The following RANBP2 variants were observed in gnomAD, a reference collection of about 807,000 sequenced individuals.
The protein encoded by RANBP2 is E3 SUMO-protein ligase RanBP2.
A neutral mutation model predicts 303.6 loss-of-function variants in RANBP2; 57 were observed. That is an observed-to-expected ratio of 0.19 (90% CI 0.15 to 0.23). The LOEUF (loss-of-function observed/expected upper bound fraction) is 0.23, where lower values mean the gene tolerates loss of function less well. Among genes scored for constraint, RANBP2 ranks in the 10% least tolerant of loss-of-function variants. RANBP2 has a pLI of 1.00. For synonymous variants in RANBP2, 1,167 were observed against 1,301.5 expected, an observed-to-expected ratio of 0.90 and a Z score of 2.23; for missense variants, 3,138 against 3,780.8, an observed-to-expected ratio of 0.83 and a Z score of 4.46.
the RANBP2 span, among the ~76,000 whole-genome samples, chr2:109,029,395 G>C: frequency 2.0e-3 from 305 of 152,304 alleles, 2 homozygotes; most frequent in African/African-American, 6.6e-3. Context: ...AACTTCATTA[G>C]GGTAAGGAAG....
chr2:108,749,315 A>G (rs1393809199), intron 9 of RANBP2, among the ~76,000 whole-genome samples, 186 bp downstream of exon 9: 6 of 151,998 alleles, frequency 3.9e-5, no homozygotes, highest in South Asian at 2.1e-4. Context: ...TGTTGTTTTT[A>G]AGACCAAGTT....
chr2:109,312,798 C>T, the RANBP2 span, among the ~76,000 whole-genome samples: 11 of 152,316 alleles, frequency 7.2e-5, no homozygotes, highest in Admixed American at 1.3e-4. Context: ...CTGTTTCCAC[C>T]TTTTGGCTCT....
At chr2:109,670,504 G>A in the RANBP2 span, among the ~76,000 whole-genome samples, 1 of 152,118 alleles carries the variant, frequency 6.6e-6, no homozygotes, top group Admixed American at 6.5e-5. Flanking sequence ...GGGGCTATGA[G>A]GATTAAGGGC....
chr2:109,493,152 A>ACAT, the RANBP2 span, among the ~76,000 whole-genome samples: 215 of 151,346 alleles, frequency 1.4e-3, 2 homozygotes, highest in African/African-American at 5.0e-3. Context: ...CATCATACAA[A>ACAT]ACACATACAC....
the RANBP2 span, among the ~76,000 whole-genome samples, chr2:108,823,960 G>T: frequency 6.6e-6 from 1 of 151,564 alleles, no homozygotes; most frequent in African/African-American, 2.4e-5. Flanking sequence ...CTGGGCCACA[G>T]AGTGAGACTG....
the RANBP2 span, among the ~76,000 whole-genome samples, chr2:109,366,603 C>CT: frequency 8.5e-5 from 13 of 152,312 alleles, no homozygotes; most frequent in African/African-American, 3.1e-4. Context: ...AATCCCAGCA[C>CT]TTTAGGAGGC....
chr2:109,395,098 A>G, the RANBP2 span, among the ~76,000 whole-genome samples: 4 of 152,202 alleles, frequency 2.6e-5, no homozygotes, highest in African/African-American at 9.6e-5. Flanking sequence ...CCCCAGATGG[A>G]GAGTTTTGCC....
the RANBP2 span, among the ~76,000 whole-genome samples, chr2:109,657,463 G>A: frequency 6.6e-6 from 1 of 151,952 alleles, no homozygotes; most frequent in Non-Finnish European, 1.5e-5. Flanking sequence ...ACAAACAAAA[G>A]CGAAAACATG....
the RANBP2 span, among the ~76,000 whole-genome samples, chr2:109,401,251 T>C: frequency 6.6e-6 from 1 of 152,242 alleles, no homozygotes; most frequent in African/African-American, 2.4e-5. Flanking sequence ...CTGTTGGCGA[T>C]GTGAACAGTC....
chr2:108,722,920 ATTCT>A (rs1042551234), intron 1 of RANBP2, among the ~76,000 whole-genome samples: 6 of 152,052 alleles, frequency 3.9e-5, no homozygotes, highest in African/African-American at 1.4e-4. Context: ...AAAAAATATA[ATTCT>A]TTCTCTAGTT....
At chr2:109,578,844 G>A in the RANBP2 span, among the ~76,000 whole-genome samples, 1 of 152,050 alleles carries the variant, frequency 6.6e-6, no homozygotes, top group Admixed American at 6.6e-5. Flanking sequence ...CCTAAGCCAC[G>A]CTTACAGGGT....
the RANBP2 span, among the ~76,000 whole-genome samples, chr2:109,327,590 G>C: frequency 2.0e-5 from 3 of 152,130 alleles, no homozygotes; most frequent in African/African-American, 7.2e-5. Context: ...GCTTTTCTGA[G>C]TCCTCTTACT....
chr2:109,764,510 G>A, the RANBP2 span, among the ~76,000 whole-genome samples: 1 of 149,790 alleles, frequency 6.7e-6, no homozygotes. Flanking sequence ...TGTGGGAGAT[G>A]CAAGGATGAG....
chr2:109,673,882 T>TC, the RANBP2 span, among the ~76,000 whole-genome samples: 5 of 152,146 alleles, frequency 3.3e-5, no homozygotes, highest in South Asian at 2.1e-4. Context: ...TCAGGTTTTT[T>TC]CCCCCTTCAT....
At chr2:109,578,588 G>A in the RANBP2 span, among the ~76,000 whole-genome samples, 16 of 152,152 alleles carry the variant, frequency 1.1e-4, no homozygotes, top group African/African-American at 3.1e-4. Flanking sequence ...CCAACAGGGC[G>A]AAACCCCATC....
At chr2:108,826,744 T>G in the RANBP2 span, among the ~76,000 whole-genome samples, 3 of 152,192 alleles carry the variant, frequency 2.0e-5, no homozygotes, top group Non-Finnish European at 4.4e-5. Context: ...CATTTTCATA[T>G]GAATTTCAGG....
chr2:108,770,233 A>T (rs1168708494), intron 20 of RANBP2, among the ~76,000 whole-genome samples: 1 of 152,218 alleles, frequency 6.6e-6, no homozygotes, highest in Non-Finnish European at 1.5e-5. Flanking sequence ...GAGTAAACTG[A>T]GGCCAAGAGA....
chr2:109,053,138 A>G, the RANBP2 span, among the ~76,000 whole-genome samples: 2 of 152,142 alleles, frequency 1.3e-5, no homozygotes, highest in African/African-American at 4.8e-5. Flanking sequence ...TCCTCCAGGT[A>G]CTGGATCTCC....
At chr2:109,033,758 G>A in the RANBP2 span, among the ~76,000 whole-genome samples, 5 of 151,084 alleles carry the variant, frequency 3.3e-5, no homozygotes, top group African/African-American at 1.2e-4. Context: ...TTCGAGACCA[G>A]CCTGGCCAAC....
Sources: gnomAD v4.1 joint callset for allele counts (sites outside exome capture counted in the v4.1 genomes callset) on GRCh38, gnomAD v4.1.1 for gene constraint, MANE v1.5 for transcripts, NCBI Gene and HGNC (gene_info 2026-07-23, HGNC 2026-07-21) for gene names.